Variants in ULK4 observed in about 807,000 individuals in gnomAD.
ULK4 encodes the protein unc-51 like kinase 4.
Under a neutral mutation model 160.6 loss-of-function variants are expected in ULK4, and 133 were observed. The observed-to-expected ratio is 0.83, with a 90% CI of 0.72 to 0.96. The LOEUF (loss-of-function observed/expected upper bound fraction) is 0.96. Among genes scored for constraint, ULK4 ranks in the 40% least tolerant of loss-of-function variants. The probability of loss-of-function intolerance (pLI) is 0.00; values close to 1 mark genes in which losing one functional copy is unlikely to be tolerated. For missense variants in ULK4, 1,580 were observed against 1,499.5 expected, an observed-to-expected ratio of 1.05 and a Z score of -0.89; for synonymous variants, 534 against 539.8, an observed-to-expected ratio of 0.99 and a Z score of 0.15.
At chr3:41,491,090 T>C (rs1027438178) in intron 32 of ULK4, among the ~76,000 whole-genome samples, 13 of 152,190 alleles carry the variant, frequency 8.5e-5, no homozygotes, top group African/African-American at 3.1e-4. Context: ...TAACAAGAAC[T>C]GTCCAAGGTC....
At chr3:41,955,650 G>C (rs1248060087) in intron 1 of ULK4, 1 of 155,858 alleles carries the variant, frequency 6.4e-6, no homozygotes. Flanking sequence ...AAGGACAAAC[G>C]GCCCTCAGGT....
At chr3:41,293,686 G>T (rs1174146779) in intron 35 of ULK4, among the ~76,000 whole-genome samples, 1 of 152,104 alleles carries the variant, frequency 6.6e-6, no homozygotes, top group Non-Finnish European at 1.5e-5. Flanking sequence ...TTCCTCAATG[G>T]TAAAATAATA....
At chr3:41,829,480 T>C (rs1025207522) in intron 18 of ULK4, among the ~76,000 whole-genome samples, 4 of 151,522 alleles carry the variant, frequency 2.6e-5, no homozygotes, top group South Asian at 2.1e-4. Flanking sequence ...AACAAGTGGG[T>C]GAAGGATATG....
chr3:41,478,257 T>A (rs1263764193), intron 32 of ULK4, among the ~76,000 whole-genome samples: 1 of 152,194 alleles, frequency 6.6e-6, no homozygotes, highest in Non-Finnish European at 1.5e-5. Flanking sequence ...AAGTACCCCA[T>A]CAAATCCTAT....
chr3:41,258,907 A>G lies in ULK4; in HGVS notation c.3679-9333T>C, dbSNP rs556121151. The stretch of plus-strand genomic sequence containing the variant: ...AAAATAATTGGGAATTTGAGCTTAG[A>G]ATTAAGATAAACTTGGAAAGACAAT... On this transcript the variant is annotated intron_variant, in intron 35 of 36. Coordinates refer to ENST00000301831, the MANE Select transcript of ULK4 (RefSeq NM_017886.4). Among the ~76,000 whole-genome samples, 3 of 151,500 alleles carry G rather than the reference A, an allele frequency of 2.0e-5. No homozygotes were observed. In the East Asian group the frequency reaches 5.8e-4, roughly 29 times the overall value.
intron 21 of ULK4, among the ~76,000 whole-genome samples, chr3:41,773,668 T>G (rs2039493042): frequency 6.6e-6 from 1 of 152,108 alleles, no homozygotes; most frequent in African/African-American, 2.4e-5. Flanking sequence ...ATAAATTCAA[T>G]GCCATACCCA....
Position 41,800,218 on chromosome 3 carries a change from C to G in ULK4, c.1924G>C (p.Gly642Arg). Reference sequence around the variant, plus strand: ...GGTCCTATTTCTCCTGTAATAAAGCCCTGGGACTGAGCAGAAAAGGTGGTA... The same window carrying G: ...GGTCCTATTTCTCCTGTAATAAAGCGCTGGGACTGAGCAGAAAAGGTGGTA... Reference protein sequence around the residue: ...VCTTFSAQSQGFITGEIGPIL... With the variant: ...VCTTFSAQSQRFITGEIGPIL... The change falls in exon 20 of 37, where the codon GGC (glycine) becomes CGC (arginine). Residue 642 changes from glycine (G) to arginine (R), a missense_variant. By Grantham distance (125) the Gly-to-Arg change is moderately radical. Coordinates refer to ENST00000301831, the MANE Select transcript of ULK4 (RefSeq NM_017886.4). The G allele has an allele frequency of 6.2e-7, 1 of 1,613,664 alleles. No individual in the cohort carries two copies.
At chr3:41,559,090 T>C (rs1264915973) in intron 32 of ULK4, among the ~76,000 whole-genome samples, 6 of 148,326 alleles carry the variant, frequency 4.0e-5, no homozygotes, top group African/African-American at 1.2e-4. Flanking sequence ...TATGTTCTCA[T>C]TGTTCAATTC....
chr3:41,831,004 A>T (rs1033300848), intron 18 of ULK4, among the ~76,000 whole-genome samples: 41 of 136,792 alleles, frequency 3.0e-4, no homozygotes, highest in African/African-American at 1.3e-3. Context: ...GAATGTTTTT[A>T]TTATTTTTTT....
intron 12 of ULK4, among the ~76,000 whole-genome samples, chr3:41,903,625 C>T (rs1698449961): frequency 6.7e-6 from 1 of 149,952 alleles, no homozygotes; most frequent in Admixed American, 6.7e-5. Flanking sequence ...TAAGGTGGAC[C>T]AATTAAAAAA....
chr3:41,537,849 T>A (rs1205274669), intron 32 of ULK4, among the ~76,000 whole-genome samples: 1 of 151,976 alleles, frequency 6.6e-6, no homozygotes, highest in African/African-American at 2.4e-5. Flanking sequence ...CAAAACAGAG[T>A]TAGCCTATCC....
At chr3:41,726,313 A>G (rs2037649732) in intron 22 of ULK4, among the ~76,000 whole-genome samples, 1 of 152,210 alleles carries the variant, frequency 6.6e-6, no homozygotes, top group South Asian at 2.1e-4. Flanking sequence ...ATGATGCTCC[A>G]TTTCTTCATG....
chr3:41,666,086 C>T (rs1331248731), intron 29 of ULK4, among the ~76,000 whole-genome samples: 1 of 152,162 alleles, frequency 6.6e-6, no homozygotes, highest in African/African-American at 2.4e-5. Flanking sequence ...CAATGTGTGG[C>T]AACACTGGTG....
At chr3:41,557,228 C>A (rs11922599) in intron 32 of ULK4, among the ~76,000 whole-genome samples, 136,185 of 151,948 alleles carry the variant, frequency 0.9, 61,646 homozygotes, top group Middle Eastern at 0.97. Context: ...TACCTCCTTA[C>A]CCAGAAAAAA....
chr3:41,928,819 AC>A (rs2148819988), intron 5 of ULK4, among the ~76,000 whole-genome samples: 1 of 152,282 alleles, frequency 6.6e-6, no homozygotes, highest in African/African-American at 2.4e-5. Context: ...TAGACCAGTA[AC>A]AAGTTCTGAA....
At chr3:41,935,421 G>C (rs960574294) in intron 4 of ULK4, among the ~76,000 whole-genome samples, 3 of 151,852 alleles carry the variant, frequency 2.0e-5, no homozygotes, top group South Asian at 4.2e-4. Context: ...AGTTGAGATG[G>C]GGTTTCACCA....
At chr3:41,602,083 C>A (rs2032103370) in intron 31 of ULK4, among the ~76,000 whole-genome samples, 1 of 151,854 alleles carries the variant, frequency 6.6e-6, no homozygotes, top group Admixed American at 6.6e-5. Flanking sequence ...ATAATCCCAG[C>A]CACTAAAGAG....
intron 22 of ULK4, among the ~76,000 whole-genome samples, chr3:41,742,698 A>C (rs914083671): frequency 2.0e-5 from 3 of 152,006 alleles, no homozygotes; most frequent in African/African-American, 7.3e-5. Flanking sequence ...CTATCATAAA[A>C]ATGTTTCAAA....
intron 32 of ULK4, among the ~76,000 whole-genome samples, chr3:41,537,485 TG>T (rs1201517918): frequency 6.6e-6 from 1 of 152,186 alleles, no homozygotes; most frequent in African/African-American, 2.4e-5. Context: ...AAGCCTGTAA[TG>T]AGTCCTAAAA....
Sources: gnomAD v4.1 joint callset for allele counts (sites outside exome capture counted in the v4.1 genomes callset) on GRCh38, gnomAD v4.1.1 for gene constraint, MANE v1.5 for transcripts, NCBI Gene and HGNC (gene_info 2026-07-23, HGNC 2026-07-21) for gene names.